ARNT2: variants seen among roughly 807,000 people sequenced by gnomAD.
ARNT2 encodes aryl hydrocarbon receptor nuclear translocator 2, also known as ARNT protein 2.
In ARNT2, 36 loss-of-function variants were observed where a neutral mutation model predicts 91.7. That is an observed-to-expected ratio of 0.39 (90% CI 0.30 to 0.52). ARNT2 has a LOEUF of 0.52. Ranked by LOEUF, ARNT2 falls within the 20% of genes least tolerant of loss-of-function variation. ARNT2 has a pLI of 0.72. For synonymous variants in ARNT2, 365 were observed against 347.1 expected (o/e 1.05, Z -0.57); for missense variants, 775 against 939.3 (o/e 0.83, Z 2.29).
At chr15:80,561,058 G>T (rs1416543919) in intron 11 of ARNT2, among the ~76,000 whole-genome samples, 1 of 152,222 alleles carries the variant, frequency 6.6e-6, no homozygotes, top group African/African-American at 2.4e-5. Context: ...CTGAGAGCCT[G>T]CTCCTTGCAG....
chr15:80,564,148 T>C (rs1898427001), intron 12 of ARNT2, among the ~76,000 whole-genome samples: 1 of 152,208 alleles, frequency 6.6e-6, no homozygotes, highest in African/African-American at 2.4e-5. Context: ...ACTGTCCCCA[T>C]GTCTCACCAT....
intron 6 of ARNT2, among the ~76,000 whole-genome samples, chr15:80,512,344 C>T (rs1897355863): frequency 2.0e-5 from 3 of 152,218 alleles, no homozygotes. Context: ...CTCTGAGTCT[C>T]CTCCTCTCGA....
At chr15:80,485,787 C>T (rs1460977432) in intron 5 of ARNT2, among the ~76,000 whole-genome samples, 4 of 152,116 alleles carry the variant, frequency 2.6e-5, no homozygotes, top group African/African-American at 9.7e-5. Context: ...ACTCTGGTGA[C>T]AGAGTGGAGA....
At chr15:80,579,214 GAGAGGGTCCTACT>G (rs1410064923) in intron 15 of ARNT2, among the ~76,000 whole-genome samples, 1 of 152,222 alleles carries the variant, frequency 6.6e-6, no homozygotes, top group East Asian at 1.9e-4. Context: ...GGGGGCTGTG[GAGAGGGTCCTACT>G]AGACAATAGT....
intron 17 of ARNT2, among the ~76,000 whole-genome samples, chr15:80,585,830 C>G (rs1434229559): frequency 6.6e-6 from 1 of 152,230 alleles, no homozygotes; most frequent in Non-Finnish European, 1.5e-5. Flanking sequence ...GTTAGACACA[C>G]TGCAGGAGGA....
chr15:80,451,147 A>G (rs2141380709), intron 2 of ARNT2, among the ~76,000 whole-genome samples, 153 bp downstream of exon 2: 1 of 152,362 alleles, frequency 6.6e-6, no homozygotes, highest in Admixed American at 6.5e-5. Flanking sequence ...AAATATGCAC[A>G]TGATTTGCTT....
intron 3 of ARNT2, among the ~76,000 whole-genome samples, chr15:80,466,609 A>G (rs894051251): frequency 2.0e-5 from 3 of 152,240 alleles, no homozygotes; most frequent in Non-Finnish European, 4.4e-5. Context: ...TTGCCCCAGC[A>G]AACATGATCT....
chr15:80,561,547 G>A lies in ARNT2; in HGVS notation c.1165-1541G>A, dbSNP rs567017857. ...TATACAGCAGTCCCCCTTATCTGCC[G>A]TGTTGCTTTGGACAATTTCAGTTAC... On this transcript the variant is annotated intron_variant, in intron 11 of 18. Transcript: ENST00000303329. Among the ~76,000 whole-genome samples the A allele has an allele frequency of 7.2e-5, 11 of 152,290 alleles. No homozygotes were observed. In the South Asian group the frequency reaches 8.3e-4, roughly 11 times the overall value.
chr15:80,574,042 T>A (rs900315940), intron 12 of ARNT2, 106 bp from the exon 13 acceptor site: 23 of 848,428 alleles, frequency 2.7e-5, no homozygotes, highest in Non-Finnish European at 4.0e-5. Context: ...TAGAGATCCA[T>A]CGGATATCAC....
At chr15:80,510,778 G>A (rs959216484) in intron 6 of ARNT2, among the ~76,000 whole-genome samples, 9 of 152,164 alleles carry the variant, frequency 5.9e-5, no homozygotes, top group East Asian at 5.8e-4. Flanking sequence ...GCAGTGAGCC[G>A]AGATCATGCC....
intron 1 of ARNT2, among the ~76,000 whole-genome samples, chr15:80,432,354 G>T (rs1896023799): frequency 1.3e-5 from 2 of 152,114 alleles, no homozygotes; most frequent in African/African-American, 2.4e-5. Flanking sequence ...GGCTGCATCT[G>T]CCCTGCCTCC....
chr15:80,535,850 C>G (rs1200849573), intron 8 of ARNT2, among the ~76,000 whole-genome samples: 3 of 151,956 alleles, frequency 2.0e-5, no homozygotes, highest in South Asian at 2.1e-4. Context: ...CGGGGCTTTT[C>G]CAAGTACGTG....
At chr15:80,475,496 C>T (rs1896788802) in intron 5 of ARNT2, 2 of 322,700 alleles carry the variant, frequency 6.2e-6, no homozygotes, top group African/African-American at 2.2e-5. Context: ...GGAGGCAGAG[C>T]TTGCAGTGAG....
intron 8 of ARNT2, among the ~76,000 whole-genome samples, chr15:80,549,215 A>C (rs1368057843): frequency 6.6e-6 from 1 of 152,174 alleles, no homozygotes; most frequent in African/African-American, 2.4e-5. Flanking sequence ...AAAACTCCCA[A>C]AAGAATAACT....
chr15:80,410,756 TTATCTATCTATCTATC>T (rs71153533), intron 1 of ARNT2, among the ~76,000 whole-genome samples: 21,364 of 144,056 alleles, frequency 0.15, 1,696 homozygotes, highest in Admixed American at 0.22. Context: ...CCATTCATTT[TTATCTATCTATCTATC>T]TATCTATCTA....
chr15:80,466,677 G>A (rs1228092770), intron 3 of ARNT2, among the ~76,000 whole-genome samples: 1 of 152,200 alleles, frequency 6.6e-6, no homozygotes. Context: ...CTTGATGAAG[G>A]CTTCAGAATG....
chr15:80,570,463 A>G lies in ARNT2; in HGVS notation c.1317-3685A>G, dbSNP rs181029405. Reference sequence around the variant, plus strand: ...CAAAGCAAAACATAACAAAAGCCATAAAGTAAGAATAAGAGAGTAGAGAAA... The same window carrying G: ...CAAAGCAAAACATAACAAAAGCCATGAAGTAAGAATAAGAGAGTAGAGAAA... On this transcript the variant is annotated intron_variant, in intron 12 of 18. Transcript: ENST00000303329. 8.8e-3 allele frequency among the ~76,000 whole-genome samples: 1,344 copies of G among 152,334 alleles called. 13 individuals carry two copies. Among genetic ancestry groups the G allele is most frequent in the South Asian group, 0.049 (238 of 4,828 alleles).
chr15:80,587,618 G>A (rs1247574788), intron 17 of ARNT2, among the ~76,000 whole-genome samples: 4 of 152,200 alleles, frequency 2.6e-5, no homozygotes, highest in African/African-American at 7.2e-5. Context: ...CTGCCTCTGT[G>A]ACCTAGGAAG....
chr15:80,442,349 C>T (rs1896205828), intron 1 of ARNT2, among the ~76,000 whole-genome samples: 1 of 152,190 alleles, frequency 6.6e-6, no homozygotes, highest in Non-Finnish European at 1.5e-5. Context: ...CCAGCCTTCC[C>T]CACCACATGG....
Sources: gnomAD v4.1 joint callset for allele counts (sites outside exome capture counted in the v4.1 genomes callset) on GRCh38, gnomAD v4.1.1 for gene constraint, MANE v1.5 for transcripts, NCBI Gene and HGNC (gene_info 2026-07-23, HGNC 2026-07-21) for gene names.